The following NCOR2 variants were observed in gnomAD, a reference collection of about 807,000 sequenced individuals.
NCOR2 encodes CTG repeat protein 26.
NCOR2 carries 81 observed loss-of-function variants against 262.9 expected under a neutral mutation model. The observed-to-expected ratio is 0.31, with a 90% CI of 0.26 to 0.37. The LOEUF (loss-of-function observed/expected upper bound fraction) is 0.37, where lower values mean the gene tolerates loss of function less well. NCOR2 is among the 10% of genes least tolerant of loss of function. The probability of loss-of-function intolerance (pLI) is 1.00; values close to 1 mark genes in which losing one functional copy is unlikely to be tolerated. For missense variants in NCOR2, 3,385 were observed against 3,621.4 expected, an observed-to-expected ratio of 0.93 and a Z score of 1.68; for synonymous variants, 1,659 against 1,559.3, an observed-to-expected ratio of 1.06 and a Z score of -1.51.
intron 16 of NCOR2, among the ~76,000 whole-genome samples, chr12:124,387,962 C>A (rs1171671424): frequency 6.6e-6 from 1 of 151,966 alleles, no homozygotes; most frequent in African/African-American, 2.4e-5. Context: ...GGGAGGTTGA[C>A]ATTTCCAAAC....
intron 1 of NCOR2, among the ~76,000 whole-genome samples, chr12:124,519,703 A>G (rs886635923): frequency 6.6e-6 from 1 of 152,180 alleles, no homozygotes; most frequent in African/African-American, 2.4e-5. Context: ...TGAGAGTAAT[A>G]ATATTAATAA....
At chr12:124,426,552 G>T (rs2043563470) in intron 11 of NCOR2, 70 bp downstream of exon 13, 2 of 1,403,216 alleles carry the variant, frequency 1.4e-6, no homozygotes, top group South Asian at 1.7e-5. Flanking sequence ...TGGCTGCCGG[G>T]AGACAGCGCA....
At chr12:124,347,460 G>A (rs1037128096) in intron 30 of NCOR2, 52 of 238,190 alleles carry the variant, frequency 2.2e-4, no homozygotes, top group African/African-American at 9.6e-4. Flanking sequence ...TGGACCAGCC[G>A]CGAGAACCTG....
chr12:124,422,459 G>A (rs200588204), intron 12 of NCOR2, 42 bp downstream of exon 14: 64 of 1,612,072 alleles, frequency 4.0e-5, no homozygotes, highest in African/African-American at 3.3e-4. Context: ...AGTTGCCCAC[G>A]GAGGTGGAGA....
At chr12:124,379,737 G>C (rs1378736094) in intron 17 of NCOR2, among the ~76,000 whole-genome samples, 1 of 152,198 alleles carries the variant, frequency 6.6e-6, no homozygotes, top group Non-Finnish European at 1.5e-5. Context: ...TTTAGAAACG[G>C]GATCCTGCAT....
intron 8 of NCOR2, among the ~76,000 whole-genome samples, chr12:124,431,397 CAGAT>C (rs1219276918): frequency 2.0e-5 from 3 of 150,416 alleles, no homozygotes; most frequent in Non-Finnish European, 3.0e-5. Context: ...GACACACAGA[CAGAT>C]ACACAGGCAG....
Position 124,566,905 on chromosome 12 carries a change from GC to G in NCOR2, c.-165+402del, listed in dbSNP as rs2052261079. Among the ~76,000 whole-genome samples, 1 of 152,220 alleles carries G rather than the reference GC, an allele frequency of 6.6e-6. No homozygotes were observed. The highest frequency in any genetic ancestry group is 2.4e-5 in the African/African-American group (1 of 41,456). On this transcript the variant is annotated intron_variant, in intron 1 of 32. Coordinates refer to the NCOR2 transcript ENST00000458234. The surrounding 1 kb of genome is among the most constrained non-coding windows in gnomAD (Gnocchi z 4.3). The stretch of plus-strand genomic sequence containing the variant: ...CTCCAAGGGCTTTCAAACCCGCGCT[GC>G]CCGATGGAAAATAAGGCGCAGTGTC...
intron 4 of NCOR2, among the ~76,000 whole-genome samples, chr12:124,469,655 C>G (rs2046724858): frequency 6.6e-6 from 1 of 152,180 alleles, no homozygotes; most frequent in Non-Finnish European, 1.5e-5. Context: ...GGGCCCTTCA[C>G]CTCCCTGACC....
chr12:124,410,610 A>G (rs1405814309), intron 13 of NCOR2, among the ~76,000 whole-genome samples: 2 of 152,136 alleles, frequency 1.3e-5, no homozygotes, highest in Non-Finnish European at 2.9e-5. Context: ...CCAAGCAGGC[A>G]GCAGGTTTGA....
At position 124,432,144 on chromosome 12, in the gene NCOR2, A is replaced by G. The variant is rs893161796; in HGVS notation, c.883-1357T>C. ...CAGACACACACACAGTCGCAGGCAG[A>G]CAAACAGATGCACACACAGGGTCTC... is the stretch of plus-strand genomic sequence containing the variant. On this transcript the variant is annotated intron_variant, in intron 8 of 46. Transcript: ENST00000405201. The surrounding 1 kb of genome is among the most constrained non-coding windows in gnomAD (Gnocchi z 5.1). 1.3e-5 allele frequency among the ~76,000 whole-genome samples: 2 copies of G among 151,996 alleles called. No homozygotes were observed. Among genetic ancestry groups the G allele is most frequent in the Non-Finnish European group, 2.9e-5 (2 of 67,996 alleles).
chr12:124,507,270 G>A (rs889948122), intron 1 of NCOR2, among the ~76,000 whole-genome samples: 9 of 152,194 alleles, frequency 5.9e-5, no homozygotes, highest in East Asian at 3.9e-4. Context: ...GCTGGAGATC[G>A]GTTGCTAAAC....
chr12:124,430,227 A>C (rs184236908), intron 9 of NCOR2, among the ~76,000 whole-genome samples: 82 of 152,282 alleles, frequency 5.4e-4, no homozygotes, highest in African/African-American at 1.7e-3. Context: ...GGCACCTCTC[A>C]GATGGGGCCC....
At chr12:124,435,397 A>G (rs2044277028) in intron 8 of NCOR2, among the ~76,000 whole-genome samples, 1 of 152,148 alleles carries the variant, frequency 6.6e-6, no homozygotes. Flanking sequence ...AAGGTGGGGG[A>G]TCTGAGGAAG....
intron 20 of NCOR2, among the ~76,000 whole-genome samples, chr12:124,366,509 T>C (rs2039048653): frequency 6.6e-6 from 1 of 152,130 alleles, no homozygotes; most frequent in Non-Finnish European, 1.5e-5. Flanking sequence ...TAAGAAGAAC[T>C]GAATGATACA....
chr12:124,340,208 G>A lies in NCOR2; in HGVS notation c.5489-4C>T, dbSNP rs764799901. ...CTGCCGCTGCTCTGCTCTGTACCTG[G>A]TGACAGTCAGTGGCATCAGCAGGGG... On this transcript the variant is annotated splice_polypyrimidine_tract_variant and splice_region_variant and intron_variant, in intron 36 of 46. Transcript: ENST00000405201. 7.5e-7 allele frequency: 1 copy of A among 1,332,524 alleles called. No homozygotes were observed. Among genetic ancestry groups the A allele is most frequent in the Non-Finnish European group, 9.7e-7 (1 of 1,027,400 alleles). 82.5% of individuals were successfully genotyped at this position (1,332,524 alleles called of 1,614,324 possible).
At chr12:124,532,207 C>G (rs901963370) in intron 1 of NCOR2, among the ~76,000 whole-genome samples, 5 of 152,084 alleles carry the variant, frequency 3.3e-5, no homozygotes, top group Non-Finnish European at 5.9e-5. Flanking sequence ...GTCTGTCCCC[C>G]CTTGTCTCCC....
rs897729395 is a variant in NCOR2, at chr12:124,503,400, G to T, written c.-117-8032C>A. Among the ~76,000 whole-genome samples, 1 of 152,124 alleles carries T rather than the reference G, an allele frequency of 6.6e-6. No homozygotes were observed. Among genetic ancestry groups the T allele is most frequent in the African/African-American group, 2.4e-5 (1 of 41,416 alleles). The stretch of plus-strand genomic sequence containing the variant: ...GATGGAGGAGAAAGGAGGAAGGGAG[G>T]GAGGAAAGGAGGATGGATGGATGAA... On this transcript the variant is annotated intron_variant, in intron 1 of 46. Transcript: ENST00000404621. This position sits in a 1 kb window ranked among gnomAD's most constrained non-coding sequence, Gnocchi z 4.3.
At chr12:124,328,583 A>C (rs966361260) in intron 44 of NCOR2, 7 of 152,984 alleles carry the variant, frequency 4.6e-5, no homozygotes, top group African/African-American at 1.7e-4. Context: ...CACACCCCCC[A>C]GAGGTGCTGT....
chr12:124,344,619 C>A (rs904957966), exon 32 of NCOR2: 5 of 1,460,512 alleles, frequency 3.4e-6, no homozygotes, highest in Non-Finnish European at 4.5e-6. Flanking sequence ...GCGGCGTGGG[C>A]TCCCGCGTGG....
Sources: gnomAD v4.1 joint callset for allele counts (sites outside exome capture counted in the v4.1 genomes callset) on GRCh38, gnomAD v4.1.1 for gene constraint, Gnocchi (gnomAD v3.1) non-coding constraint, MANE v1.5 for transcripts, NCBI Gene and HGNC (gene_info 2026-07-23, HGNC 2026-07-21) for gene names.